Variants in ERBIN observed in about 807,000 individuals in gnomAD.
ERBIN encodes the protein densin-180-like protein.
A neutral mutation model predicts 158.4 loss-of-function variants in ERBIN; 60 were observed. The ratio of observed to expected loss-of-function variants is 0.38; its 90% CI spans 0.31 to 0.47. The LOEUF is 0.47. Among genes scored for constraint, ERBIN ranks in the 20% least tolerant of loss-of-function variants. The probability of loss-of-function intolerance (pLI) is 0.99; values close to 1 mark genes in which losing one functional copy is unlikely to be tolerated. For missense variants in ERBIN, 1,610 were observed against 1,648.0 expected (o/e 0.98, Z 0.40); for synonymous variants, 594 against 557.2 (o/e 1.07, Z -0.93).
chr5:66,051,907 A>AAAAAAAAAAAAAG (rs1554065281), intron 20 of ERBIN, among the ~76,000 whole-genome samples: 3 of 148,770 alleles, frequency 2.0e-5, no homozygotes, highest in African/African-American at 7.7e-5. Flanking sequence ...AAAAAAAAAA[A>AAAAAAAAAAAAAG]AGAGACAGAT....
chr5:66,062,286 T>C lies in ERBIN; in HGVS notation c.3633+7335T>C, dbSNP rs557426852. On this transcript the variant is annotated intron_variant, in intron 21 of 25. Transcript: ENST00000284037. ...AAACTTCTCTTCACGCTTCATTTCA[T>C]TCATTTCGTCTTCCATCGCTGATAC... Among the ~76,000 whole-genome samples, 5 of 152,338 alleles carry C rather than the reference T, an allele frequency of 3.3e-5. No individual in the cohort carries two copies. The South Asian group carries it at 1.0e-3, about 32-fold the overall frequency.
chr5:66,036,205 C>T (rs894196691), intron 14 of ERBIN, among the ~76,000 whole-genome samples: 3 of 152,184 alleles, frequency 2.0e-5, no homozygotes, highest in Non-Finnish European at 4.4e-5. Context: ...CCTAATAGGT[C>T]TCTGCCTCCA....
intron 1 of ERBIN, among the ~76,000 whole-genome samples, chr5:65,940,922 C>T (rs1474349854): frequency 2.0e-5 from 3 of 152,120 alleles, no homozygotes; most frequent in Non-Finnish European, 2.9e-5. Context: ...GTTGCCATGT[C>T]TGTGTAGAAA....
intron 13 of ERBIN, 132 bp from the exon 14 acceptor site, chr5:66,028,142 C>G (rs1672498236): frequency 3.7e-6 from 2 of 542,120 alleles, no homozygotes; most frequent in South Asian, 6.5e-5. Flanking sequence ...TTGGACTTTT[C>G]TCGATTTTTT....
intron 21 of ERBIN, among the ~76,000 whole-genome samples, chr5:66,062,064 G>C (rs1760446483): frequency 1.3e-5 from 2 of 152,268 alleles, no homozygotes; most frequent in Non-Finnish European, 2.9e-5. Context: ...GGCGTTCTCT[G>C]TATTTCCTGA....
At chr5:65,995,053 CA>C (rs1752272556) in intron 4 of ERBIN, among the ~76,000 whole-genome samples, 189 bp downstream of exon 4, 1 of 152,142 alleles carries the variant, frequency 6.6e-6, no homozygotes, top group Non-Finnish European at 1.5e-5. Context: ...TGTTTTGTAT[CA>C]AATACAGTAA....
chr5:65,955,860 T>G (rs1204731063), intron 1 of ERBIN, among the ~76,000 whole-genome samples: 1 of 152,220 alleles, frequency 6.6e-6, no homozygotes, highest in Non-Finnish European at 1.5e-5. Context: ...AGTTTGAAAT[T>G]GCATGCTGTT....
At chr5:66,032,504 G>T (rs1442630346) in intron 14 of ERBIN, among the ~76,000 whole-genome samples, 1 of 152,212 alleles carries the variant, frequency 6.6e-6, no homozygotes, top group East Asian at 1.9e-4. Flanking sequence ...TTCTAGTCAT[G>T]ATCAATTATT....
intron 21 of ERBIN, among the ~76,000 whole-genome samples, chr5:66,064,409 T>G (rs1196214158): frequency 6.6e-6 from 1 of 152,242 alleles, no homozygotes; most frequent in Non-Finnish European, 1.5e-5. Context: ...TACCTTGCTA[T>G]ACAAATATTT....
At chr5:66,012,168 A>G (rs570327980) in intron 5 of ERBIN, 41 bp downstream of exon 5, 1 of 1,315,068 alleles carries the variant, frequency 7.6e-7, no homozygotes, top group African/African-American at 1.5e-5. Flanking sequence ...TTGTGAATAA[A>G]ACAATTATGA....
intron 1 of ERBIN, among the ~76,000 whole-genome samples, chr5:65,960,356 G>A (rs1208910779): frequency 6.6e-6 from 1 of 152,196 alleles, no homozygotes; most frequent in Non-Finnish European, 1.5e-5. Flanking sequence ...TGTGGGGCAG[G>A]AGGGTACTTT....
At position 65,981,615 on chromosome 5, in the gene ERBIN, CTATT is replaced by C. The variant is rs1167405096; in HGVS notation, c.-57-7017_-57-7014del. On this transcript the variant is annotated intron_variant, in intron 1 of 25. Coordinates refer to ENST00000284037, the MANE Select transcript of ERBIN (RefSeq NM_001253697.2). The stretch of plus-strand genomic sequence containing the variant: ...GTTAACAAGGATAAAAAGGAAATAA[CTATT>C]TAAAAATTTTGTTTTAGTTATTTTT... Among the ~76,000 whole-genome samples, 4 of 151,788 alleles carry C rather than the reference CTATT, an allele frequency of 2.6e-5. No homozygotes were observed. In the East Asian group the frequency reaches 7.7e-4, roughly 29 times the overall value.
chr5:65,939,780 T>C (rs1441575052), intron 1 of ERBIN, among the ~76,000 whole-genome samples: 1 of 152,270 alleles, frequency 6.6e-6, no homozygotes, highest in African/African-American at 2.4e-5. Flanking sequence ...AGCTCCGAAC[T>C]GCGAGTGATC....
chr5:65,959,394 C>T (rs952186329), intron 1 of ERBIN, among the ~76,000 whole-genome samples: 5 of 151,916 alleles, frequency 3.3e-5, no homozygotes, highest in Non-Finnish European at 1.5e-5. Flanking sequence ...AATTTTATAA[C>T]TTTTAAAAAC....
intron 1 of ERBIN, among the ~76,000 whole-genome samples, chr5:65,986,108 T>G (rs1248967339): frequency 6.6e-6 from 1 of 152,182 alleles, no homozygotes; most frequent in African/African-American, 2.4e-5. Context: ...CCCTTGATGA[T>G]CTCATCTTAT....
intron 1 of ERBIN, among the ~76,000 whole-genome samples, chr5:65,969,844 T>C (rs1749055238): frequency 6.6e-6 from 1 of 152,236 alleles, no homozygotes; most frequent in Non-Finnish European, 1.5e-5. Flanking sequence ...TCAAATATCT[T>C]AGCTTTTCAG....
At chr5:66,063,897 A>T (rs563321083) in intron 21 of ERBIN, among the ~76,000 whole-genome samples, 1 of 152,310 alleles carries the variant, frequency 6.6e-6, no homozygotes, top group Non-Finnish European at 1.5e-5. Context: ...CATAAAACTA[A>T]CAAAAATAGA....
rs75666021 is a variant in ERBIN, at chr5:66,014,005, T to C, written c.476+367T>C. On this transcript the variant is annotated intron_variant, in intron 6 of 25. Transcript: ENST00000284037. Reference sequence around the variant, plus strand: ...AATTCTTAAGAAAAGAGAATCTGTTTCTGGGGGCGACCTCATCATCTCCCT... The same window carrying C: ...AATTCTTAAGAAAAGAGAATCTGTTCCTGGGGGCGACCTCATCATCTCCCT... Among the ~76,000 whole-genome samples the C allele has an allele frequency of 1.8e-3, 278 of 152,276 alleles. 1 individual carries two copies. The highest frequency in any genetic ancestry group is 6.4e-3 in the African/African-American group (264 of 41,570).
chr5:65,975,773 T>A (rs990541984), intron 1 of ERBIN, among the ~76,000 whole-genome samples: 3 of 152,174 alleles, frequency 2.0e-5, no homozygotes, highest in Non-Finnish European at 4.4e-5. Context: ...AGTAATGGGT[T>A]GGTAGCTGTA....
Sources: gnomAD v4.1 joint callset for allele counts (sites outside exome capture counted in the v4.1 genomes callset) on GRCh38, gnomAD v4.1.1 for gene constraint, MANE v1.5 for transcripts, NCBI Gene and HGNC (gene_info 2026-07-23, HGNC 2026-07-21) for gene names.